The following BTBD2 variants were observed in gnomAD, a reference collection of about 807,000 sequenced individuals.
BTBD2 encodes the protein BTB/POZ domain-containing protein 2.
A neutral mutation model predicts 44.0 loss-of-function variants in BTBD2; 15 were observed. The ratio of observed to expected loss-of-function variants is 0.34; its 90% CI spans 0.23 to 0.53. The LOEUF is 0.53. BTBD2 is among the 20% of genes least tolerant of loss of function. The pLI is 0.95. For synonymous variants in BTBD2, 443 were observed against 335.9 expected (o/e 1.32, Z -3.49); for missense variants, 657 against 746.4 (o/e 0.88, Z 1.39).
At chr19:1,986,767 C>G (rs954228663) in intron 8 of BTBD2, 63 bp downstream of exon 8, 27 of 1,570,654 alleles carry the variant, frequency 1.7e-5, no homozygotes, top group Non-Finnish European at 2.3e-5. Flanking sequence ...GTGTGCTGTG[C>G]CCCGGTGGCT....
At chr19:1,989,729 G>A (rs2016145740) in intron 5 of BTBD2, 11 of 503,624 alleles carry the variant, frequency 2.2e-5, no homozygotes, top group South Asian at 2.0e-4. Context: ...GCGCGAGACG[G>A]GGACTCCCTT....
At chr19:2,001,284 CAGG>C (rs1398027334) in intron 1 of BTBD2, among the ~76,000 whole-genome samples, 2 of 152,002 alleles carry the variant, frequency 1.3e-5, no homozygotes, top group African/African-American at 4.8e-5. Flanking sequence ...ATCACGAGGT[CAGG>C]AGATCAAGAC....
chr19:2,001,340 C>A lies in BTBD2; in HGVS notation c.408-3877G>T, dbSNP rs540655530. 3.4e-4 allele frequency among the ~76,000 whole-genome samples: 51 copies of A among 152,030 alleles called. 2 individuals are homozygous for A. The South Asian group carries it at 0.011, about 32-fold the overall frequency. On this transcript the variant is annotated intron_variant, in intron 1 of 8. Coordinates refer to ENST00000255608, the MANE Select transcript of BTBD2 (RefSeq NM_017797.4). ...TGAAACCCCGTCTCTACTAAAAATACAAAATATTAGCCGGGCGTGGTGGCA... is the reference window on the plus strand; with the variant it reads ...TGAAACCCCGTCTCTACTAAAAATAAAAAATATTAGCCGGGCGTGGTGGCA...
rs2016065664 is a variant in BTBD2 at position 1,985,567 on chromosome 19, G to T, written c.*921C>A. ...AGGAGTCACAGGGCAGAAACACGCG[G>T]GGTGGGTGGGGGCGTGGCCGGAGTG... On this transcript the variant is annotated 3_prime_UTR_variant, in exon 9 of 9. Transcript: ENST00000255608. 6.6e-6 allele frequency: 1 copy of T among 152,576 alleles called. No homozygotes were observed. The highest frequency in any genetic ancestry group is 6.5e-5 in the Admixed American group (1 of 15,286). 9.5% of individuals were successfully genotyped at this position (152,576 alleles called of 1,614,324 possible).
Position 1,987,484 on chromosome 19 carries a change from G to T in BTBD2, c.1181+16C>A. On this transcript the variant is annotated intron_variant, in intron 6 of 8. Coordinates refer to ENST00000255608, the MANE Select transcript of BTBD2 (RefSeq NM_017797.4). ...CCCCCATGTCCGGACCCCCCCGCCT[G>T]CACCCCAAGCCCCACCTGATGCGGT... 1 of 1,528,626 alleles carries T rather than the reference G, an allele frequency of 6.5e-7. No individual in the cohort carries two copies. 94.7% of individuals were successfully genotyped at this position (1,528,626 alleles called of 1,614,324 possible). A position where few individuals can be genotyped will look rare whatever the true frequency, so the allele number is the denominator to read the frequency against.
chr19:1,999,332 C>T (rs915678739), intron 1 of BTBD2, among the ~76,000 whole-genome samples: 7 of 152,260 alleles, frequency 4.6e-5, no homozygotes, highest in East Asian at 1.9e-4. Flanking sequence ...ACGAAGGCGC[C>T]GGGGAAGGCT....
chr19:1,990,255 C>T, intron 4 of BTBD2, 54 bp from the exon 5 acceptor site: 1 of 1,536,038 alleles, frequency 6.5e-7, no homozygotes, highest in Non-Finnish European at 8.8e-7. Flanking sequence ...GCCCACCCTG[C>T]AGGAGGCAGT....
At chr19:2,013,616 G>C (rs1292075610) in intron 1 of BTBD2, 1 of 988,734 alleles carries the variant, frequency 1.0e-6, no homozygotes. Flanking sequence ...TGAAGTGGGA[G>C]GTGGCAGGGC....
chr19:2,005,339 A>T (rs2016381866), intron 1 of BTBD2, among the ~76,000 whole-genome samples: 2 of 149,904 alleles, frequency 1.3e-5, no homozygotes, highest in Non-Finnish European at 3.0e-5. Flanking sequence ...TTTTTGAGGC[A>T]GGGTCTCACT....
intron 1 of BTBD2, among the ~76,000 whole-genome samples, chr19:2,007,811 G>A (rs1468228264): frequency 6.6e-6 from 1 of 151,194 alleles, no homozygotes; most frequent in Admixed American, 6.6e-5. Context: ...CTGGGCAACA[G>A]AGCGAGACTC....
At position 2,010,003 on chromosome 19, in the gene BTBD2, T is replaced by C. The variant is rs866245050; in HGVS notation, c.407+5294A>G. Among the ~76,000 whole-genome samples the C allele has an allele frequency of 3.1e-4, 34 of 110,962 alleles. No homozygotes were observed. In the Admixed American group the frequency reaches 3.1e-3, roughly 10 times the overall value. The allele number at this position is 110,962 out of a possible 152,430, so 72.8% of individuals were successfully genotyped here. On this transcript the variant is annotated intron_variant, in intron 1 of 8. Coordinates refer to ENST00000255608, the MANE Select transcript of BTBD2 (RefSeq NM_017797.4). ...ACCCCGTCTCTACTAAAAAATACAA[T>C]TAGCCAAGTGTGGTGGCGGGTGCCT... is the stretch of plus-strand genomic sequence containing the variant.
chr19:1,997,330 T>A lies in BTBD2; in HGVS notation c.527+14A>T. On this transcript the variant is annotated intron_variant, in intron 2 of 8. Coordinates refer to ENST00000255608, the MANE Select transcript of BTBD2 (RefSeq NM_017797.4). ...AGGCCCAGCTCCCCAGCAGGAAGCA[T>A]CCGGAAGCATTACTTGAGCAGTGCG... 4 of 1,613,900 alleles carry A rather than the reference T, an allele frequency of 2.5e-6. No individual in the cohort carries two copies. The highest frequency in any genetic ancestry group is 3.4e-6 in the Non-Finnish European group (4 of 1,179,938).
At chr19:1,987,472 A>T in intron 6 of BTBD2, 28 bp downstream of exon 6, 8 of 635,618 alleles carry the variant, frequency 1.3e-5, no homozygotes, top group Non-Finnish European at 1.9e-5. Flanking sequence ...CCATGTCCGG[A>T]CCCCCCCGCC....
intron 3 of BTBD2, chr19:1,991,761 A>C (rs7253908): frequency 0.57 from 87,487 of 152,586 alleles, 28,159 homozygotes; most frequent in African/African-American, 0.87. Context: ...GTCCACCCGT[A>C]CTGGCCCCAC....
Position 2,015,577 on chromosome 19 carries a change from CG to C in BTBD2, c.126del (p.Ala43ProfsTer148), listed in dbSNP as rs1219143273. The stretch of plus-strand genomic sequence containing the variant: ...GCGGCGGCGGCGGCGGCGGCGGCGG[CG>C]GCCGCGTTGCCGGGGGCCGGGGTGG... ...AAATPAPGNA[A>X]AAAAAAAAAA... On this transcript the variant is annotated frameshift_variant, in exon 1 of 9. Coordinates refer to ENST00000255608, the MANE Select transcript of BTBD2 (RefSeq NM_017797.4). LOFTEE classifies it high-confidence loss of function. The C allele has an allele frequency of 6.2e-5, 58 of 938,610 alleles. 2 individuals are homozygous for C. In the South Asian group the frequency reaches 1.1e-3, roughly 18 times the overall value. 58.1% of individuals were successfully genotyped at this position (938,610 alleles called of 1,614,324 possible). A position where few individuals can be genotyped will look rare whatever the true frequency, so the allele number is the denominator to read the frequency against.
intron 1 of BTBD2, among the ~76,000 whole-genome samples, chr19:2,001,219 C>T (rs924378972): frequency 2.0e-5 from 3 of 151,882 alleles, no homozygotes; most frequent in African/African-American, 7.3e-5. Flanking sequence ...CAGGAGGCAC[C>T]GGGCACGGTG....
At chr19:1,987,987 G>A (rs2016117097) in intron 5 of BTBD2, 1 of 382,024 alleles carries the variant, frequency 2.6e-6, no homozygotes, top group East Asian at 4.8e-5. Flanking sequence ...TGGCCCCACT[G>A]TAGGGACCAC....
rs765195126 is a variant in BTBD2 at position 2,015,306 on chromosome 19, G to A, written c.398C>T (p.Pro133Leu). ...GGGTCGGGGCGCCCACCTGTGCGCGGGGATGCGCTGCGAGCTGAGCCCCTT... is the reference window on the plus strand; with the variant it reads ...GGGTCGGGGCGCCCACCTGTGCGCGAGGATGCGCTGCGAGCTGAGCCCCTT... ...VGKGLSSQRI[P>L]AHRFVLAVGS... is the part of the protein sequence containing the mutation. Residue 133 changes from proline to leucine, a missense_variant, in exon 1 of 9, where the codon CCC (proline) becomes CTC (leucine). Physicochemically the swap from Pro to Leu is moderately conservative, Grantham distance 98. Coordinates refer to ENST00000255608, the MANE Select transcript of BTBD2 (RefSeq NM_017797.4). The A allele has an allele frequency of 6.4e-7, 1 of 1,562,306 alleles. No homozygotes were observed. Among genetic ancestry groups the A allele is most frequent in the South Asian group, 1.2e-5 (1 of 86,936 alleles).
At chr19:1,991,901 G>GA (rs1220296096) in intron 3 of BTBD2, 2 of 151,906 alleles carry the variant, frequency 1.3e-5, no homozygotes, top group African/African-American at 4.8e-5. Context: ...GAGAGAGAGA[G>GA]AAAGTTCTCT....
Sources: gnomAD v4.1 joint callset for allele counts (sites outside exome capture counted in the v4.1 genomes callset) on GRCh38, gnomAD v4.1.1 for gene constraint, MANE v1.5 for transcripts, NCBI Gene and HGNC (gene_info 2026-07-23, HGNC 2026-07-21) for gene names.